Variants in TMEM132C observed in about 807,000 individuals in gnomAD.
TMEM132C encodes the protein protein phosphatase 1, regulatory subunit 152.
In TMEM132C, 29 loss-of-function variants were observed where a neutral mutation model predicts 61.4. The ratio of observed to expected loss-of-function variants is 0.47; its 90% CI spans 0.35 to 0.64. The LOEUF is 0.64. Among genes scored for constraint, TMEM132C ranks in the 30% least tolerant of loss-of-function variants. The pLI, the probability that TMEM132C is intolerant of heterozygous loss-of-function variation, is 0.00. For missense variants in TMEM132C, 1,408 were observed against 1,476.9 expected (o/e 0.95, Z 0.76); for synonymous variants, 656 against 633.1 (o/e 1.04, Z -0.54).
At chr12:128,355,232 G>C (rs568647073) in intron 1 of TMEM132C, among the ~76,000 whole-genome samples, 1 of 152,278 alleles carries the variant, frequency 6.6e-6, no homozygotes, top group African/African-American at 2.4e-5. Flanking sequence ...AAGAGGATGA[G>C]CAGGAATAGG....
chr12:128,396,373 T>G (rs1874956601), intron 1 of TMEM132C, among the ~76,000 whole-genome samples: 2 of 126,242 alleles, frequency 1.6e-5, no homozygotes, highest in Admixed American at 7.5e-5. Context: ...CATCACAGAC[T>G]GGGGCCTGTC....
At chr12:128,673,797 A>C (rs1206339869) in intron 5 of TMEM132C, among the ~76,000 whole-genome samples, 1 of 152,228 alleles carries the variant, frequency 6.6e-6, no homozygotes, top group Non-Finnish European at 1.5e-5. Context: ...CATAGTTCCT[A>C]ATTCAAAAGG....
chr12:128,586,566 G>C (rs750291380), intron 3 of TMEM132C, among the ~76,000 whole-genome samples: 7 of 152,120 alleles, frequency 4.6e-5, no homozygotes, highest in Non-Finnish European at 1.0e-4. Flanking sequence ...CTGCCAAGCT[G>C]CTGCCTTTAT....
intron 1 of TMEM132C, among the ~76,000 whole-genome samples, chr12:128,334,619 G>A (rs1420317283): frequency 2.7e-5 from 4 of 145,540 alleles, no homozygotes; most frequent in East Asian, 2.0e-4. Context: ...TTTTTGAGAC[G>A]GTGTCTTGCT....
In TMEM132C at chr12:128,569,895, TAAATA is replaced by T. The variant is rs1874818320; in HGVS notation, c.1121+25801_1121+25805del. Among the ~76,000 whole-genome samples the T allele has an allele frequency of 5.3e-5, 8 of 152,278 alleles. No homozygotes were observed. In the South Asian group the frequency reaches 1.4e-3, roughly 28 times the overall value. On this transcript the variant is annotated intron_variant, in intron 3 of 8. Coordinates refer to ENST00000435159, the MANE Select transcript of TMEM132C (RefSeq NM_001136103.3). ...CACAAAATACTGAAAAAGAAGAAAT[TAAATA>T]AAATAAAAAACCAACCTCAGATACA...
At chr12:128,512,088 T>A (rs547212660) in intron 2 of TMEM132C, among the ~76,000 whole-genome samples, 1 of 152,118 alleles carries the variant, frequency 6.6e-6, no homozygotes, top group Admixed American at 6.5e-5. Flanking sequence ...CTGCCAGTTT[T>A]TTTTTTCTTT....
intron 1 of TMEM132C, among the ~76,000 whole-genome samples, chr12:128,369,841 G>A (rs980497114): frequency 6.6e-5 from 10 of 152,144 alleles, no homozygotes; most frequent in African/African-American, 2.4e-4. Flanking sequence ...ACACGTTTTG[G>A]TTCCTCATTT....
intron 2 of TMEM132C, among the ~76,000 whole-genome samples, chr12:128,462,607 C>T (rs1324113092): frequency 2.6e-5 from 4 of 152,168 alleles, no homozygotes; most frequent in Non-Finnish European, 5.9e-5. Context: ...AGCTCTTCCT[C>T]CTGAAGGAAA....
At chr12:128,286,471 A>G (rs1871078311) in intron 1 of TMEM132C, among the ~76,000 whole-genome samples, 1 of 152,244 alleles carries the variant, frequency 6.6e-6, no homozygotes, top group African/African-American at 2.4e-5. Flanking sequence ...TGGCCCCCAT[A>G]GACAGTAGTG....
chr12:128,655,502 A>C (rs564001273), intron 4 of TMEM132C, among the ~76,000 whole-genome samples: 1 of 151,556 alleles, frequency 6.6e-6, no homozygotes, highest in East Asian at 1.9e-4. Flanking sequence ...GCCCTCACTA[A>C]TCAGCACGCC....
intron 3 of TMEM132C, among the ~76,000 whole-genome samples, chr12:128,575,474 G>A (rs1025734649): frequency 9.3e-5 from 14 of 150,240 alleles, no homozygotes; most frequent in South Asian, 2.1e-4. Flanking sequence ...GTGAGACTCC[G>A]TCTCAAAAAG....
At chr12:128,655,136 C>A (rs1954311640) in intron 4 of TMEM132C, among the ~76,000 whole-genome samples, 1 of 152,172 alleles carries the variant, frequency 6.6e-6, no homozygotes, top group South Asian at 2.1e-4. Flanking sequence ...GAAGTGGGAG[C>A]CGGGAGGCAG....
intron 4 of TMEM132C, among the ~76,000 whole-genome samples, chr12:128,628,923 C>T (rs997313608): frequency 7.9e-5 from 12 of 152,208 alleles, no homozygotes; most frequent in African/African-American, 1.4e-4. Flanking sequence ...CTTTATTCTA[C>T]AGCCTCATAA....
chr12:128,480,520 C>T (rs578093662), intron 2 of TMEM132C, among the ~76,000 whole-genome samples: 10 of 152,304 alleles, frequency 6.6e-5, no homozygotes, highest in South Asian at 2.1e-4. Flanking sequence ...CCAGCCCATG[C>T]GGGAGCTGAG....
At chr12:128,530,582 T>C (rs1873256889) in intron 2 of TMEM132C, among the ~76,000 whole-genome samples, 1 of 152,174 alleles carries the variant, frequency 6.6e-6, no homozygotes, top group African/African-American at 2.4e-5. Context: ...TAGCTGGGAT[T>C]ACAAGCATGT....
intron 1 of TMEM132C, among the ~76,000 whole-genome samples, chr12:128,390,780 G>A (rs1874740954): frequency 6.6e-6 from 1 of 152,212 alleles, no homozygotes; most frequent in African/African-American, 2.4e-5. Flanking sequence ...GAAGAGCGAA[G>A]CCGGGAGCCC....
intron 1 of TMEM132C, among the ~76,000 whole-genome samples, chr12:128,329,234 G>A (rs544348879): frequency 5.3e-5 from 8 of 152,190 alleles, no homozygotes; most frequent in African/African-American, 1.9e-4. Context: ...GGATTATTTC[G>A]GAGATGAAAA....
intron 1 of TMEM132C, among the ~76,000 whole-genome samples, chr12:128,381,358 C>T (rs1169053515): frequency 2.0e-5 from 3 of 152,162 alleles, no homozygotes; most frequent in Non-Finnish European, 2.9e-5. Context: ...GAGAGTGAAG[C>T]TTGTCCCATT....
intron 1 of TMEM132C, among the ~76,000 whole-genome samples, chr12:128,308,756 C>T (rs2135924996): frequency 6.6e-6 from 1 of 152,264 alleles, no homozygotes; most frequent in Admixed American, 6.5e-5. Context: ...GAGCACCGTG[C>T]ACAAGGCCGG....
Sources: gnomAD v4.1 joint callset for allele counts (sites outside exome capture counted in the v4.1 genomes callset) on GRCh38, gnomAD v4.1.1 for gene constraint, MANE v1.5 for transcripts, NCBI Gene and HGNC (gene_info 2026-07-23, HGNC 2026-07-21) for gene names.